LUC7L: variants seen among roughly 807,000 people sequenced by gnomAD.
LUC7L encodes LUC7 like.
In LUC7L, 29 loss-of-function variants were observed where a neutral mutation model predicts 51.1. The ratio of observed to expected loss-of-function variants is 0.57; its 90% CI spans 0.42 to 0.77. The LOEUF (loss-of-function observed/expected upper bound fraction) is 0.77. Among genes scored for constraint, LUC7L ranks in the 30% least tolerant of loss-of-function variants. LUC7L has a pLI of 0.00. For missense variants in LUC7L, 403 were observed against 511.9 expected (o/e 0.79, Z 2.05); for synonymous variants, 181 against 180.7 (o/e 1.00, Z -0.01).
chr16:227,576 G>A, intron 1 of LUC7L: 1 of 1,330,274 alleles, frequency 7.5e-7, no homozygotes, highest in Non-Finnish European at 9.7e-7. Flanking sequence ...CTGTACCAAA[G>A]AAGTCAAGGA....
intron 5 of LUC7L, among the ~76,000 whole-genome samples, chr16:201,723 G>A (rs1007132625): frequency 6.9e-6 from 1 of 145,532 alleles, no homozygotes; most frequent in African/African-American, 2.6e-5. Flanking sequence ...ACAGGCGTGA[G>A]CCACCGCACC....
At chr16:228,686 CACAGT>C in intron 1 of LUC7L, 1 of 1,200,196 alleles carries the variant, frequency 8.3e-7, no homozygotes, top group South Asian at 1.5e-5. Flanking sequence ...CTCCTCCCTA[CACAGT>C]ACAACCTACC....
At chr16:197,104 C>T (rs1045846229) in intron 6 of LUC7L, among the ~76,000 whole-genome samples, 3 of 150,808 alleles carry the variant, frequency 2.0e-5, no homozygotes, top group Admixed American at 2.0e-4. Context: ...GACGGGGTTT[C>T]ACCTTGTTAG....
chr16:228,184 A>G, intron 1 of LUC7L: 8 of 1,260,642 alleles, frequency 6.3e-6, no homozygotes, highest in Non-Finnish European at 8.3e-6. Context: ...CTAGAGGAGG[A>G]ATATATTTTA....
At chr16:205,945 C>A (rs1019116800) in intron 5 of LUC7L, 59 bp downstream of exon 5, 11 of 1,556,570 alleles carry the variant, frequency 7.1e-6, no homozygotes, top group Non-Finnish European at 9.5e-6. Flanking sequence ...TTAATTCCAA[C>A]GGTCAACGCT....
intron 6 of LUC7L, among the ~76,000 whole-genome samples, chr16:193,512 T>A (rs2049068031): frequency 6.6e-6 from 1 of 151,858 alleles, no homozygotes; most frequent in Non-Finnish European, 1.5e-5. Flanking sequence ...ATCATTACAT[T>A]TTTTTTTCCT....
intron 6 of LUC7L, among the ~76,000 whole-genome samples, chr16:194,089 C>T (rs1159728428): frequency 6.6e-6 from 1 of 151,954 alleles, no homozygotes; most frequent in Non-Finnish European, 1.5e-5. Flanking sequence ...AGGCATGAGC[C>T]ACCGCGCTTG....
intron 5 of LUC7L, among the ~76,000 whole-genome samples, chr16:200,196 G>A (rs2049282741): frequency 6.6e-6 from 1 of 151,874 alleles, no homozygotes; most frequent in African/African-American, 2.4e-5. Flanking sequence ...GCTGAGGCAG[G>A]CGAATCATGG....
chr16:215,991 G>A (rs2142096468), intron 3 of LUC7L, among the ~76,000 whole-genome samples: 1 of 150,288 alleles, frequency 6.7e-6, no homozygotes, highest in South Asian at 2.1e-4. Context: ...CCCCTTGCCT[G>A]CCCAGCCCGG....
intron 4 of LUC7L, 138 bp downstream of exon 4, chr16:207,940 C>A: frequency 1.9e-6 from 1 of 539,504 alleles, no homozygotes; most frequent in Non-Finnish European, 3.2e-6. Context: ...ACCCGGGAGG[C>A]GGAGCTTGCA....
intron 6 of LUC7L, 25 bp from the exon 7 acceptor site, chr16:193,040 G>A: frequency 1.3e-6 from 2 of 1,584,720 alleles, no homozygotes; most frequent in South Asian, 1.1e-5. Flanking sequence ...CAAAAAATGA[G>A]GAAGAGCAAG....
At position 189,319 on chromosome 16, in the gene LUC7L, G is replaced by A. The variant is rs2048946779; in HGVS notation, c.995C>T (p.Ser332Phe). 6.2e-7 allele frequency: 1 copy of A among 1,612,012 alleles called. No individual in the cohort carries two copies. The highest frequency in any genetic ancestry group is 1.7e-4 in the Middle Eastern group (1 of 6,054). Residue 332 changes from serine (S) to phenylalanine (F), a missense_variant, in exon 10 of 10, where the codon TCC (serine) becomes TTC (phenylalanine). Physicochemically the swap from Ser to Phe is radical, Grantham distance 155. This residue lies in a region of LUC7L where 206 missense variants were observed against 218.3 expected (regional missense o/e 0.94). Coordinates refer to ENST00000293872, the MANE Select transcript of LUC7L (RefSeq NM_201412.3). Reference sequence around the variant, plus strand: ...CCCGCTCTCCCAGGACTCCTCTCTGGATGCCCGCTCTCTGGAGAACCTGGG... The same window carrying A: ...CCCGCTCTCCCAGGACTCCTCTCTGAATGCCCGCTCTCTGGAGAACCTGGG... ...AKYKFSRERA[S>F]REESWESGRS...
chr16:211,616 TAA>T (rs575247431), intron 3 of LUC7L, among the ~76,000 whole-genome samples: 2 of 151,870 alleles, frequency 1.3e-5, no homozygotes, highest in South Asian at 2.1e-4. Context: ...ATCTAAATGA[TAA>T]AAAAAAGACA....
chr16:229,309 G>A lies in LUC7L; in HGVS notation c.31C>T (p.Leu11=), dbSNP rs1403610633. The change falls in exon 1 of 10, where the codon CTG becomes TTG. Residue 11 remains leucine (L), a synonymous_variant. Coordinates refer to ENST00000293872, the MANE Select transcript of LUC7L (RefSeq NM_201412.3). MSAQAQMRAL[L]DQLMGTARDG... ...CGAGCCGTGCCCATGAGCTGGTCCA[G>A]CAGGGCCCGCATCTGCGCCTGGGCG... 1.3e-6 allele frequency: 2 copies of A among 1,532,712 alleles called. No homozygotes were observed. The highest frequency in any genetic ancestry group is 8.7e-7 in the Non-Finnish European group (1 of 1,146,914). 94.9% of individuals were successfully genotyped at this position (1,532,712 alleles called of 1,614,324 possible).
intron 3 of LUC7L, among the ~76,000 whole-genome samples, chr16:218,107 C>T (rs920797399): frequency 1.3e-5 from 2 of 151,402 alleles, no homozygotes; most frequent in East Asian, 1.9e-4. Flanking sequence ...GTAGGAGAAT[C>T]GCTTGAACCC....
In LUC7L at chr16:228,590, CAGAAA is replaced by C. The variant is rs1596699483; in HGVS notation, c.61+684_61+688del. 2.1e-5 allele frequency: 25 copies of C among 1,191,094 alleles called. No homozygotes were observed. The East Asian group carries it at 5.3e-4, about 25-fold the overall frequency. The allele number at this position is 1,191,094 out of a possible 1,614,324, so 73.8% of individuals were successfully genotyped here. A position where few individuals can be genotyped will look rare whatever the true frequency, so the allele number is the denominator to read the frequency against. On this transcript the variant is annotated intron_variant, in intron 1 of 9. Transcript: ENST00000293872. ...GTGAACTTACAACTTCATTACTCAG[CAGAAA>C]AGAAAACACAAACCACAGCAGGTAT...
intron 2 of LUC7L, among the ~76,000 whole-genome samples, chr16:226,249 A>C (rs2050130170): frequency 6.6e-6 from 1 of 152,192 alleles, no homozygotes; most frequent in Non-Finnish European, 1.5e-5. Context: ...ATAAGCAATG[A>C]TTCATCATGA....
At chr16:228,943 G>A (rs1240152671) in intron 1 of LUC7L, 2 of 1,395,156 alleles carry the variant, frequency 1.4e-6, no homozygotes, top group East Asian at 3.6e-5. Context: ...TGGAGCCCAC[G>A]CTGATTCCAG....
intron 2 of LUC7L, among the ~76,000 whole-genome samples, chr16:223,437 T>A (rs2050033155): frequency 6.6e-6 from 1 of 152,180 alleles, no homozygotes; most frequent in Non-Finnish European, 1.5e-5. Flanking sequence ...TCACCAATAA[T>A]AAAGCTAACA....
Sources: gnomAD v4.1 joint callset for allele counts (sites outside exome capture counted in the v4.1 genomes callset) on GRCh38, gnomAD v4.1.1 for gene constraint, gnomAD v4.1.1 regional missense constraint, MANE v1.5 for transcripts, NCBI Gene and HGNC (gene_info 2026-07-23, HGNC 2026-07-21) for gene names.